SUPT3H: variants seen among roughly 807,000 people sequenced by gnomAD.
The protein encoded by SUPT3H is SPT3 homolog, SAGA and STAGA complex component.
SUPT3H carries 44 observed loss-of-function variants against 44.3 expected under a neutral mutation model. The ratio of observed to expected loss-of-function variants is 0.99; its 90% CI spans 0.78 to 1.28. The LOEUF (loss-of-function observed/expected upper bound fraction) is 1.28. Among genes scored for constraint, SUPT3H ranks in the 50% most tolerant of loss-of-function variants. The probability of loss-of-function intolerance (pLI) is 0.00; values close to 1 mark genes in which losing one functional copy is unlikely to be tolerated. For synonymous variants in SUPT3H, 124 were observed against 125.6 expected (o/e 0.99, Z 0.09); for missense variants, 380 against 387.1 (o/e 0.98, Z 0.15).
At chr6:45,146,527 A>G (rs1806099092) in intron 2 of SUPT3H, among the ~76,000 whole-genome samples, 1 of 152,110 alleles carries the variant, frequency 6.6e-6, no homozygotes, top group Admixed American at 6.6e-5. Context: ...AATCACCACT[A>G]AAGAACTTAT....
rs74820085 is a variant in SUPT3H at position 45,357,991 on chromosome 6, A to G, written c.101+7210T>C. ...TTTCTAAAAAATGGAACATAAATGT[A>G]ATATTAAACTTCTCAATCAAATCTG... On this transcript the variant is annotated intron_variant, in intron 2 of 10. Coordinates refer to ENST00000371459, the MANE Select transcript of SUPT3H (RefSeq NM_003599.4). Among the ~76,000 whole-genome samples the G allele has an allele frequency of 3.9e-3, 601 of 152,270 alleles. 6 individuals are homozygous for G. Among genetic ancestry groups the G allele is most frequent in the African/African-American group, 0.014 (585 of 41,556 alleles).
chr6:44,888,297 G>A (rs1306990618), intron 10 of SUPT3H, among the ~76,000 whole-genome samples: 2 of 152,058 alleles, frequency 1.3e-5, no homozygotes, highest in Non-Finnish European at 2.9e-5. Flanking sequence ...CCAAAGCCGG[G>A]CAGAGACACA....
intron 3 of SUPT3H, chr6:45,098,657 G>C (rs1005162860): frequency 6.1e-6 from 2 of 329,264 alleles, no homozygotes; most frequent in Admixed American, 7.6e-5. Flanking sequence ...TCTAAAGTGG[G>C]CTTCAATCAT....
chr6:45,355,851 AT>A (rs1038581111), intron 2 of SUPT3H, among the ~76,000 whole-genome samples: 37 of 152,298 alleles, frequency 2.4e-4, no homozygotes, highest in African/African-American at 8.7e-4. Context: ...AAAGAATGTT[AT>A]TTTTGTTGAA....
At chr6:45,357,993 T>C (rs1043633923) in intron 2 of SUPT3H, among the ~76,000 whole-genome samples, 1 of 152,094 alleles carries the variant, frequency 6.6e-6, no homozygotes, top group Non-Finnish European at 1.5e-5. Flanking sequence ...ATAAATGTAA[T>C]ATTAAACTTC....
chr6:45,372,587 A>G (rs1796237557), intron 1 of SUPT3H, among the ~76,000 whole-genome samples: 2 of 152,198 alleles, frequency 1.3e-5, no homozygotes. Context: ...ATTCACATAA[A>G]TTGTTTCAAT....
intron 3 of SUPT3H, among the ~76,000 whole-genome samples, chr6:45,028,217 C>T (rs778422431): frequency 1.3e-4 from 20 of 152,122 alleles, no homozygotes; most frequent in Non-Finnish European, 2.8e-4. Context: ...TTTATTTCAC[C>T]TTTCCACAAA....
intron 9 of SUPT3H, among the ~76,000 whole-genome samples, chr6:44,938,619 G>A (rs910101483): frequency 2.0e-5 from 3 of 151,958 alleles, no homozygotes; most frequent in African/African-American, 7.3e-5. Context: ...AGATGGGGTT[G>A]GTATTTTGAT....
Position 45,365,283 on chromosome 6 carries a change from T to C in SUPT3H, c.19A>G (p.Ser7Gly). 6.2e-7 allele frequency: 1 copy of C among 1,610,506 alleles called. No homozygotes were observed. Residue 7 changes from serine to glycine, a missense_variant, in exon 2 of 11, where the codon AGT becomes GGT. By Grantham distance (56) the Ser-to-Gly change is moderately conservative. Transcript: ENST00000371459. Reference protein sequence around the residue: MNNTAASPMSTATSSSG... With the variant: MNNTAAGPMSTATSSSG... ...CTTGAAGTTGCAGTAGACATTGGAC[T>C]AGCTGCCGTATTATTCATCTAAATA...
At chr6:45,273,543 A>G (rs1228653809) in intron 2 of SUPT3H, among the ~76,000 whole-genome samples, 1 of 152,176 alleles carries the variant, frequency 6.6e-6, no homozygotes, top group Admixed American at 6.6e-5. Flanking sequence ...AGTTAGTAAG[A>G]GTTTATTTTG....
chr6:45,374,214 A>G (rs183378429), intron 1 of SUPT3H, among the ~76,000 whole-genome samples: 1 of 152,316 alleles, frequency 6.6e-6, no homozygotes, highest in East Asian at 1.9e-4. Flanking sequence ...CTAGGTTTAC[A>G]GAATTGGGTC....
intron 3 of SUPT3H, among the ~76,000 whole-genome samples, chr6:45,035,300 T>C (rs1160111019): frequency 6.6e-6 from 1 of 152,180 alleles, no homozygotes; most frequent in Non-Finnish European, 1.5e-5. Flanking sequence ...TCCCAATTTT[T>C]AATATGGATG....
At chr6:45,136,135 GA>G (rs1240276075) in intron 2 of SUPT3H, among the ~76,000 whole-genome samples, 1 of 152,140 alleles carries the variant, frequency 6.6e-6, no homozygotes, top group African/African-American at 2.4e-5. Flanking sequence ...TCCATAAGCA[GA>G]AAGAAGAAGC....
chr6:44,812,638 T>C (rs1766610385), intron 11 of SUPT3H, among the ~76,000 whole-genome samples: 1 of 152,194 alleles, frequency 6.6e-6, no homozygotes, highest in African/African-American at 2.4e-5. Context: ...ACAAATTATT[T>C]GAAGCATCAG....
chr6:45,314,476 A>C (rs1228838855), intron 2 of SUPT3H, among the ~76,000 whole-genome samples: 2 of 152,242 alleles, frequency 1.3e-5, no homozygotes, highest in African/African-American at 4.8e-5. Flanking sequence ...TACACAAATC[A>C]GTAGCTCTTC....
At chr6:45,279,293 T>C (rs1054490945) in intron 2 of SUPT3H, among the ~76,000 whole-genome samples, 8 of 152,200 alleles carry the variant, frequency 5.3e-5, no homozygotes, top group Non-Finnish European at 8.8e-5. Context: ...ACATATTTAA[T>C]GAAAACAATG....
intron 2 of SUPT3H, among the ~76,000 whole-genome samples, chr6:45,224,301 G>A (rs1410382692): frequency 6.6e-6 from 1 of 152,056 alleles, no homozygotes; most frequent in African/African-American, 2.4e-5. Flanking sequence ...CAATGGGATT[G>A]TTAAAAGATC....
intron 2 of SUPT3H, among the ~76,000 whole-genome samples, chr6:45,134,370 A>G (rs991081564): frequency 1.3e-5 from 2 of 152,338 alleles, no homozygotes; most frequent in African/African-American, 2.4e-5. Flanking sequence ...TCTCTAACAC[A>G]TGAACTTTTA....
chr6:45,371,010 C>A (rs970394621), intron 1 of SUPT3H, among the ~76,000 whole-genome samples: 1 of 152,170 alleles, frequency 6.6e-6, no homozygotes, highest in Non-Finnish European at 1.5e-5. Flanking sequence ...GCACATAGCA[C>A]ACTTACTTTT....
Sources: gnomAD v4.1 joint callset for allele counts (sites outside exome capture counted in the v4.1 genomes callset) on GRCh38, gnomAD v4.1.1 for gene constraint, MANE v1.5 for transcripts, NCBI Gene and HGNC (gene_info 2026-07-23, HGNC 2026-07-21) for gene names.